ERICH6: variants seen among roughly 807,000 people sequenced by gnomAD.
ERICH6 encodes glutamate rich 6, also known as glutamate-rich protein 6.
Under a neutral mutation model 71.0 loss-of-function variants are expected in ERICH6, and 71 were observed. The ratio of observed to expected loss-of-function variants is 1.00; its 90% CI spans 0.83 to 1.22. The LOEUF is 1.22. Ranked by LOEUF, ERICH6 falls within the 50% of genes most tolerant of loss-of-function variation. The pLI is 0.00. For synonymous variants in ERICH6, 262 were observed against 278.4 expected (o/e 0.94, Z 0.59); for missense variants, 808 against 797.2 (o/e 1.01, Z -0.16).
chr3:150,679,035 CAAAAAAAAAAA>C (rs1160094551), intron 9 of ERICH6, among the ~76,000 whole-genome samples: 5 of 65,224 alleles, frequency 7.7e-5, no homozygotes, highest in Non-Finnish European at 1.5e-4. Context: ...GACTCTGTCT[CAAAAAAAAAAA>C]AAAAAAAAAA....
chr3:150,702,243 C>CA (rs1482757228), intron 1 of ERICH6, 65 bp from the exon 2 acceptor site: 1 of 949,320 alleles, frequency 1.1e-6, no homozygotes, highest in African/African-American at 1.7e-5. Context: ...TCTACCCCCC[C>CA]CAGGAACACA....
chr3:150,678,932 T>C (rs147966080), intron 9 of ERICH6, among the ~76,000 whole-genome samples: 3,184 of 150,986 alleles, frequency 0.021, 121 homozygotes, highest in African/African-American at 0.073. Flanking sequence ...TCCCAGCTGC[T>C]TGTGAGGCTA....
At chr3:150,684,594 G>T (rs1712101138) in intron 6 of ERICH6, among the ~76,000 whole-genome samples, 1 of 152,154 alleles carries the variant, frequency 6.6e-6, no homozygotes, top group Admixed American at 6.5e-5. Context: ...ATGGCATCCA[G>T]CCCAGGTTTG....
intron 10 of ERICH6, among the ~76,000 whole-genome samples, chr3:150,674,335 C>G (rs552023291): frequency 1.3e-5 from 2 of 151,102 alleles, no homozygotes; most frequent in African/African-American, 4.9e-5. Context: ...AAAACAAAAG[C>G]AGATAAAAAC....
intron 1 of ERICH6, 69 bp from the exon 2 acceptor site, chr3:150,702,247 G>T: frequency 4.6e-6 from 3 of 647,282 alleles, no homozygotes; most frequent in South Asian, 1.9e-5. Context: ...CCCCCCCCAG[G>T]AACACATGGC....
intron 11 of ERICH6, among the ~76,000 whole-genome samples, chr3:150,672,730 A>G (rs1711517778): frequency 6.6e-6 from 1 of 151,224 alleles, no homozygotes; most frequent in Non-Finnish European, 1.5e-5. Flanking sequence ...AAAAACATAT[A>G]TTTTTAAATG....
intron 13 of ERICH6, among the ~76,000 whole-genome samples, chr3:150,666,066 A>G (rs1727405337): frequency 6.6e-6 from 1 of 152,214 alleles, no homozygotes; most frequent in African/African-American, 2.4e-5. Flanking sequence ...TTTTATGGAT[A>G]AGGAAACTGA....
chr3:150,700,686 C>A (rs551788679), intron 2 of ERICH6, among the ~76,000 whole-genome samples: 2 of 152,052 alleles, frequency 1.3e-5, no homozygotes, highest in African/African-American at 2.4e-5. Context: ...TGGGTTCAAG[C>A]GATTCTCCTG....
At chr3:150,670,835 G>A (rs1203459313) in intron 11 of ERICH6, among the ~76,000 whole-genome samples, 2 of 152,126 alleles carry the variant, frequency 1.3e-5, no homozygotes, top group African/African-American at 4.8e-5. Flanking sequence ...TCCATATCCA[G>A]GCTGGTTAGA....
At chr3:150,670,818 A>G (rs77984575) in intron 11 of ERICH6, among the ~76,000 whole-genome samples, 3,285 of 152,312 alleles carry the variant, frequency 0.022, 133 homozygotes, top group African/African-American at 0.075. Context: ...AACTCTTAAT[A>G]CTCATTTCCA....
At chr3:150,693,443 C>T (rs530455475) in intron 3 of ERICH6, among the ~76,000 whole-genome samples, 261 of 152,252 alleles carry the variant, frequency 1.7e-3, no homozygotes, top group Non-Finnish European at 2.6e-3. Flanking sequence ...CACTTTCTGA[C>T]AGGCCTAGGA....
intron 4 of ERICH6, 24 bp from the exon 5 acceptor site, chr3:150,686,045 A>G (rs1192662997): frequency 6.3e-7 from 1 of 1,575,438 alleles, no homozygotes; most frequent in Admixed American, 1.7e-5. Flanking sequence ...ATAGATTCAT[A>G]AGAAATGTTT....
intron 11 of ERICH6, among the ~76,000 whole-genome samples, chr3:150,673,275 C>A (rs936584592): frequency 2.0e-5 from 3 of 151,714 alleles, no homozygotes; most frequent in African/African-American, 7.3e-5. Flanking sequence ...GCAGCCTTGA[C>A]CCCTCGGGCT....
intron 10 of ERICH6, among the ~76,000 whole-genome samples, chr3:150,677,502 AT>A (rs1256486661): frequency 0.022 from 3,273 of 147,372 alleles, 127 homozygotes; most frequent in African/African-American, 0.076. Context: ...TGAAAAAAAA[AT>A]TTTTTTTTTT....
intron 2 of ERICH6, among the ~76,000 whole-genome samples, chr3:150,700,241 ATTTTTTTT>A (rs34624356): frequency 2.7e-5 from 3 of 110,964 alleles, no homozygotes; most frequent in Admixed American, 2.0e-4. Context: ...TGCCCGGCTA[ATTTTTTTT>A]TTTTTTTTTT....
At position 150,678,518 on chromosome 3, in the gene ERICH6, G is replaced by A; in HGVS notation, c.1148C>T (p.Ser383Phe). The A allele has an allele frequency of 2.5e-6, 4 of 1,602,358 alleles. No individual in the cohort carries two copies. The highest frequency in any genetic ancestry group is 2.3e-5 in the South Asian group (2 of 88,214). Residue 383 changes from serine (S) to phenylalanine (F), a missense_variant, in exon 10 of 14, where the codon TCT (serine) becomes TTT (phenylalanine). Ser to Phe is a radical substitution (Grantham distance 155, BLOSUM62 -2). This residue lies in a region of ERICH6 where 736 missense variants were observed against 712.2 expected (regional missense o/e 1.03). Transcript: ENST00000295910. ...TATCTGTTTTTCTGGAATATCCACAGAAAGTTGATAAGAAATTGTTTTTAA... is the reference window on the plus strand; with the variant it reads ...TATCTGTTTTTCTGGAATATCCACAAAAAGTTGATAAGAAATTGTTTTTAA... ...KRLKTISYQL[S>F]VDIPEKQIID...
At chr3:150,696,658 G>A (rs983273458) in intron 3 of ERICH6, among the ~76,000 whole-genome samples, 10 of 151,980 alleles carry the variant, frequency 6.6e-5, no homozygotes, top group Non-Finnish European at 1.5e-4. Context: ...ATAATCGAGT[G>A]ACCAAAAAAA....
intron 6 of ERICH6, among the ~76,000 whole-genome samples, chr3:150,682,848 G>T (rs546986477): frequency 6.6e-6 from 1 of 152,282 alleles, no homozygotes; most frequent in South Asian, 2.1e-4. Context: ...GCCTAGGTTG[G>T]AGCTCTGAAT....
intron 10 of ERICH6, among the ~76,000 whole-genome samples, chr3:150,674,830 G>A (rs191100207): frequency 6.6e-6 from 1 of 150,928 alleles, no homozygotes; most frequent in East Asian, 1.9e-4. Context: ...TGGTCTAGTA[G>A]TCAATTATTG....
Sources: allele counts gnomAD v4.1 joint callset (sites outside exome capture counted in the v4.1 genomes callset), GRCh38; gene constraint gnomAD v4.1.1; regional missense constraint gnomAD v4.1.1; transcripts MANE v1.5; gene names NCBI Gene and HGNC (gene_info 2026-07-23, HGNC 2026-07-21).